Variants in DDX52 observed in about 807,000 individuals in gnomAD.
DDX52 encodes DExD-box helicase 52.
In DDX52, 59 loss-of-function variants were observed where a neutral mutation model predicts 76.1. The observed-to-expected ratio is 0.78, with a 90% confidence interval of 0.63 to 0.96. The LOEUF (loss-of-function observed/expected upper bound fraction) is 0.96. Ranked by LOEUF, DDX52 falls within the 40% of genes least tolerant of loss-of-function variation. The pLI, the probability that DDX52 is intolerant of heterozygous loss-of-function variation, is 0.00. For missense variants in DDX52, 707 were observed against 703.9 expected, an observed-to-expected ratio of 1.00 and a Z score of -0.05; for synonymous variants, 231 against 244.1, an observed-to-expected ratio of 0.95 and a Z score of 0.50.
intron 14 of DDX52, chr17:37,615,167 G>A (rs143944708): frequency 6.6e-6 from 1 of 152,392 alleles, no homozygotes; most frequent in Non-Finnish European, 1.5e-5. Context: ...TATGAGCTGA[G>A]CCTATAGGCA....
intron 13 of DDX52, 94 bp downstream of exon 13, chr17:37,619,674 T>G: frequency 9.1e-7 from 1 of 1,095,336 alleles, no homozygotes; most frequent in Non-Finnish European, 1.3e-6. Context: ...ATCATGCCAC[T>G]GCACTGCAGT....
At chr17:37,641,464 C>A (rs1042933131) in intron 2 of DDX52, among the ~76,000 whole-genome samples, 1 of 151,800 alleles carries the variant, frequency 6.6e-6, no homozygotes, top group African/African-American at 2.4e-5. Context: ...TCAGGCAGGG[C>A]GCGGTGGTTC....
In DDX52 at chr17:37,642,205, G is replaced by A; in HGVS notation, c.191C>T (p.Thr64Ile). The change falls in exon 2 of 15, where the codon ACA (threonine) becomes ATA (isoleucine). Residue 64 changes from threonine (T) to isoleucine (I), a missense_variant. By Grantham distance (89) the Thr-to-Ile change is moderately conservative. Transcript: ENST00000617633. Reference sequence around the variant, plus strand: ...CTCTCCATTTTGGGGCTTCTGATGTGTTTGTGATGCTCCACACACACCTGG... The same window carrying A: ...CTCTCCATTTTGGGGCTTCTGATGTATTTGTGATGCTCCACACACACCTGG... ...SVPGVCGASQ[T>I]HQKPQNGEKK... The A allele has an allele frequency of 1.9e-6, 3 of 1,613,856 alleles. No homozygotes were observed. The highest frequency in any genetic ancestry group is 1.1e-5 in the South Asian group (1 of 91,070).
At chr17:37,617,082 T>C (rs1241435871) in intron 14 of DDX52, among the ~76,000 whole-genome samples, 1 of 152,242 alleles carries the variant, frequency 6.6e-6, no homozygotes, top group African/African-American at 2.4e-5. Flanking sequence ...TTTTCTGTCA[T>C]GTACACGAAT....
At chr17:37,618,426 C>T (rs1298507081) in intron 13 of DDX52, 42 bp from the exon 14 acceptor site, 3 of 1,475,994 alleles carry the variant, frequency 2.0e-6, no homozygotes, top group Admixed American at 2.3e-5. Flanking sequence ...TTAAGTGCAA[C>T]TTCAATTAGA....
At chr17:37,616,170 C>T (rs1466470646) in intron 14 of DDX52, among the ~76,000 whole-genome samples, 1 of 152,142 alleles carries the variant, frequency 6.6e-6, no homozygotes, top group Non-Finnish European at 1.5e-5. Flanking sequence ...CATTTGTTAT[C>T]TTGGCTTTAA....
chr17:37,619,026 T>C (rs570116028), intron 13 of DDX52, among the ~76,000 whole-genome samples: 4 of 152,362 alleles, frequency 2.6e-5, no homozygotes, highest in African/African-American at 9.6e-5. Context: ...TGAACTAAAA[T>C]AATTCTCAGC....
rs761472378 is a variant in DDX52, at chr17:37,643,395, C to A, written c.26G>T (p.Arg9Leu). Residue 9 changes from arginine to leucine, a missense_variant, in exon 1 of 15, where the codon CGG (arginine) becomes CTG (leucine). By Grantham distance (102) the Arg-to-Leu change is moderately radical (BLOSUM62 -2). Transcript: ENST00000617633. ...GTCGAATTTGGCCCCCGCGCCGAGCCGGCGAAAGAGATCGTGGACGTCCAT... is the reference window on the plus strand; with the variant it reads ...GTCGAATTTGGCCCCCGCGCCGAGCAGGCGAAAGAGATCGTGGACGTCCAT... The part of the protein sequence containing the change: MDVHDLFR[R>L]LGAGAKFDTR... 3 of 1,613,996 alleles carry A rather than the reference C, an allele frequency of 1.9e-6. No homozygotes were observed. Among genetic ancestry groups the A allele is most frequent in the East Asian group, 4.5e-5 (2 of 44,850 alleles).
chr17:37,639,242 A>T (rs1400760773), intron 2 of DDX52, among the ~76,000 whole-genome samples: 1 of 152,244 alleles, frequency 6.6e-6, no homozygotes, highest in Admixed American at 6.5e-5. Flanking sequence ...ACGTAATATG[A>T]TAAGGGAACA....
intron 2 of DDX52, chr17:37,639,457 G>A: frequency 1.0e-6 from 1 of 996,310 alleles, no homozygotes; most frequent in Non-Finnish European, 1.2e-6. Flanking sequence ...TACATGCCTG[G>A]CTGGGCGTGG....
chr17:37,618,943 G>C (rs2029934724), intron 13 of DDX52, among the ~76,000 whole-genome samples: 1 of 152,186 alleles, frequency 6.6e-6, no homozygotes, highest in Non-Finnish European at 1.5e-5. Context: ...AATATGTCCT[G>C]TGCCAACCTT....
Position 37,626,771 on chromosome 17 carries a change from G to T in DDX52, c.932+17C>A, listed in dbSNP as rs369946754. Reference sequence around the variant, plus strand: ...AATTAAAAATACACACGAAAGACATGAAAATATCATCTATACCTTGCTAGG... The same window carrying T: ...AATTAAAAATACACACGAAAGACATTAAAATATCATCTATACCTTGCTAGG... On this transcript the variant is annotated intron_variant, in intron 7 of 14. Coordinates refer to ENST00000617633, the MANE Select transcript of DDX52 (RefSeq NM_007010.5). 22 of 1,599,194 alleles carry T rather than the reference G, an allele frequency of 1.4e-5. No individual in the cohort carries two copies. Among genetic ancestry groups the T allele is most frequent in the Non-Finnish European group, 1.8e-5 (21 of 1,173,150 alleles).
rs757943492 is a variant in DDX52 at position 37,643,332 on chromosome 17, A to G, written c.87+2T>C. 3 of 1,613,592 alleles carry G rather than the reference A, an allele frequency of 1.9e-6. No homozygotes were observed. In the South Asian group the frequency reaches 3.3e-5, roughly 18 times the overall value. ...CGGCCCTCGGTCCCTTGGGCACAGT[A>G]CCTGGAATCGAGCTGCGTCTGCCGA... is the stretch of plus-strand genomic sequence containing the variant. On this transcript the variant is annotated splice_donor_variant, in intron 1 of 14. Coordinates refer to ENST00000617633, the MANE Select transcript of DDX52 (RefSeq NM_007010.5). LOFTEE classifies it high-confidence loss of function.
intron 9 of DDX52, among the ~76,000 whole-genome samples, chr17:37,622,751 C>A (rs1165561426): frequency 6.6e-6 from 1 of 152,126 alleles, no homozygotes; most frequent in African/African-American, 2.4e-5. Flanking sequence ...GGCTGAAAAC[C>A]TCTGGTGTAT....
At chr17:37,617,068 C>CT (rs1334270586) in intron 14 of DDX52, among the ~76,000 whole-genome samples, 1 of 152,168 alleles carries the variant, frequency 6.6e-6, no homozygotes, top group Non-Finnish European at 1.5e-5. Flanking sequence ...AAGCCAGTCT[C>CT]TAATTTTCTG....
intron 2 of DDX52, among the ~76,000 whole-genome samples, chr17:37,633,743 C>T (rs889746039): frequency 2.0e-5 from 3 of 150,488 alleles, no homozygotes; most frequent in Non-Finnish European, 4.4e-5. Flanking sequence ...GGAAAAAGTA[C>T]AGCTGATCCA....
At chr17:37,633,266 G>T in intron 3 of DDX52, 22 bp downstream of exon 3, 1 of 1,589,922 alleles carries the variant, frequency 6.3e-7, no homozygotes, top group South Asian at 1.1e-5. Flanking sequence ...ATATACTTTT[G>T]GCCCCAAAAT....
chr17:37,629,922 G>A, intron 5 of DDX52, 108 bp downstream of exon 5: 5 of 1,461,536 alleles, frequency 3.4e-6, no homozygotes, highest in South Asian at 1.4e-5. Flanking sequence ...ACTTGACCAT[G>A]ACAGAAGACG....
In DDX52 at chr17:37,626,076, C is replaced by T. The variant is rs1261284994; in HGVS notation, c.955G>A (p.Glu319Lys). ...CCATCTTCAAACAGTTTATCTGATT[C>T]GTCTACTACAAGCCACTCAACACTA... ...LASVEWLVVD[E>K]SDKLFEDGKT... The change falls in exon 8 of 15, where the codon GAA becomes AAA. Residue 319 changes from glutamate to lysine, a missense_variant. Coordinates refer to ENST00000617633, the MANE Select transcript of DDX52 (RefSeq NM_007010.5). 6 of 1,614,090 alleles carry T rather than the reference C, an allele frequency of 3.7e-6. No homozygotes were observed. The highest frequency in any genetic ancestry group is 2.2e-5 in the South Asian group (2 of 91,080).
Sources: allele counts gnomAD v4.1 joint callset (sites outside exome capture counted in the v4.1 genomes callset), GRCh38; gene constraint gnomAD v4.1.1; transcripts MANE v1.5; gene names NCBI Gene and HGNC (gene_info 2026-07-23, HGNC 2026-07-21).